The following CSMD1 variants were observed in gnomAD, a reference collection of about 807,000 sequenced individuals.
The protein encoded by CSMD1 is CUB and Sushi multiple domains 1, also known as CUB and sushi domain-containing protein 1.
In CSMD1, 213 loss-of-function variants were observed where a neutral mutation model predicts 417.5. The ratio of observed to expected loss-of-function variants is 0.51; its 90% CI spans 0.46 to 0.57. The LOEUF (loss-of-function observed/expected upper bound fraction) is 0.57. Ranked by LOEUF, CSMD1 falls within the 20% of genes least tolerant of loss-of-function variation. The probability of loss-of-function intolerance (pLI) is 0.00; values close to 1 mark genes in which losing one functional copy is unlikely to be tolerated. For missense variants in CSMD1, 6,923 were observed against 4,529.7 expected (o/e 1.53, Z -15.17); for synonymous variants, 2,862 against 1,736.8 (o/e 1.65, Z -16.11).
At chr8:4,013,561 G>C (rs896626241) in intron 4 of CSMD1, among the ~76,000 whole-genome samples, 6 of 152,126 alleles carry the variant, frequency 3.9e-5, no homozygotes, top group African/African-American at 1.4e-4. Flanking sequence ...TTCTCAGTGA[G>C]AACACTTACA....
intron 1 of CSMD1, among the ~76,000 whole-genome samples, chr8:4,700,125 T>A (rs1315604007): frequency 6.6e-6 from 1 of 151,408 alleles, no homozygotes. Flanking sequence ...GGTGAACTTT[T>A]TGTTTAATTT....
chr8:4,572,896 G>T (rs376385474), intron 2 of CSMD1, among the ~76,000 whole-genome samples: 2 of 151,600 alleles, frequency 1.3e-5, no homozygotes, highest in Non-Finnish European at 2.9e-5. Context: ...CCTTTCTTCC[G>T]CTTGATCAAT....
At chr8:4,717,384 C>T (rs553240287) in intron 1 of CSMD1, among the ~76,000 whole-genome samples, 2 of 136,704 alleles carry the variant, frequency 1.5e-5, no homozygotes, top group African/African-American at 6.6e-5. Context: ...TACACACACA[C>T]ATATACATAC....
chr8:3,900,944 G>C (rs149559463), intron 5 of CSMD1, among the ~76,000 whole-genome samples: 1 of 152,270 alleles, frequency 6.6e-6, no homozygotes, highest in Non-Finnish European at 1.5e-5. Flanking sequence ...AATACAAGAA[G>C]GTCTATAAAG....
intron 3 of CSMD1, among the ~76,000 whole-genome samples, chr8:4,387,724 A>C (rs1482697038): frequency 6.6e-6 from 1 of 152,110 alleles, no homozygotes; most frequent in Non-Finnish European, 1.5e-5. Context: ...TATTTTAGCT[A>C]AAATAGACAT....
chr8:3,281,538 C>G (rs1398713214), intron 26 of CSMD1, among the ~76,000 whole-genome samples: 1 of 152,126 alleles, frequency 6.6e-6, no homozygotes, highest in Non-Finnish European at 1.5e-5. Flanking sequence ...ATGAAAAGAC[C>G]TGGAGCTTGA....
At chr8:4,687,802 CACAG>C (rs1309551855) in intron 1 of CSMD1, among the ~76,000 whole-genome samples, 3 of 149,104 alleles carry the variant, frequency 2.0e-5, no homozygotes, top group Non-Finnish European at 4.4e-5. Context: ...GGAATGCATG[CACAG>C]ACAGATACAC....
chr8:4,744,127 C>T (rs1810801501), intron 1 of CSMD1, among the ~76,000 whole-genome samples: 1 of 152,188 alleles, frequency 6.6e-6, no homozygotes, highest in South Asian at 2.1e-4. Context: ...CGCAGAGGTG[C>T]TCAGGGACGC....
intron 7 of CSMD1, among the ~76,000 whole-genome samples, chr8:3,637,212 C>T (rs189839959): frequency 5.4e-4 from 82 of 152,290 alleles, no homozygotes; most frequent in Non-Finnish European, 2.5e-4. Flanking sequence ...GTGACATATT[C>T]TAACTTTTAC....
intron 2 of CSMD1, among the ~76,000 whole-genome samples, chr8:4,484,146 G>C (rs563948934): frequency 7.9e-5 from 12 of 151,354 alleles, no homozygotes; most frequent in Admixed American, 4.6e-4. Context: ...AGAAGGATTT[G>C]TGGAGGCCGC....
chr8:2,993,440 C>G (rs1347488956), intron 54 of CSMD1, among the ~76,000 whole-genome samples: 1 of 152,172 alleles, frequency 6.6e-6, no homozygotes, highest in South Asian at 2.1e-4. Context: ...GATCCTATTA[C>G]AAAAGAGGAG....
chr8:3,477,437 G>A (rs1283489064), intron 11 of CSMD1, among the ~76,000 whole-genome samples: 1 of 152,180 alleles, frequency 6.6e-6, no homozygotes, highest in Non-Finnish European at 1.5e-5. Flanking sequence ...TTACTTAATT[G>A]TATGATTTAA....
intron 8 of CSMD1, among the ~76,000 whole-genome samples, chr8:3,609,158 G>C (rs1801766959): frequency 6.6e-6 from 1 of 152,180 alleles, no homozygotes; most frequent in African/African-American, 2.4e-5. Flanking sequence ...TTAGCGTTCT[G>C]AATTTCAACG....
At chr8:3,291,010 A>G (rs1402406820) in intron 25 of CSMD1, among the ~76,000 whole-genome samples, 3 of 152,042 alleles carry the variant, frequency 2.0e-5, no homozygotes, top group Non-Finnish European at 4.4e-5. Context: ...TCAACACCTA[A>G]TTTTTTGAGA....
chr8:3,910,953 C>T (rs750648259), intron 5 of CSMD1, among the ~76,000 whole-genome samples: 57 of 152,306 alleles, frequency 3.7e-4, no homozygotes, highest in African/African-American at 1.2e-3. Context: ...CGACCAGGAA[C>T]GCTTTCTTGG....
chr8:4,336,301 C>T (rs1481726196), intron 3 of CSMD1, among the ~76,000 whole-genome samples: 3 of 152,102 alleles, frequency 2.0e-5, no homozygotes, highest in Non-Finnish European at 2.9e-5. Flanking sequence ...ACTTTTAATG[C>T]CACGTAGCCT....
At chr8:4,906,214 A>T (rs1380705134) in intron 1 of CSMD1, among the ~76,000 whole-genome samples, 2 of 152,210 alleles carry the variant, frequency 1.3e-5, no homozygotes, top group Non-Finnish European at 2.9e-5. Context: ...TAGCAGAAGA[A>T]ACTATTTGCT....
intron 1 of CSMD1, among the ~76,000 whole-genome samples, chr8:4,834,153 G>C (rs763430462): frequency 1.3e-5 from 2 of 152,188 alleles, no homozygotes; most frequent in African/African-American, 2.4e-5. Flanking sequence ...AATTCATACA[G>C]ATAAAACAAG....
At chr8:4,017,963 A>G (rs543616841) in intron 4 of CSMD1, among the ~76,000 whole-genome samples, 1 of 152,270 alleles carries the variant, frequency 6.6e-6, no homozygotes, top group Admixed American at 6.5e-5. Flanking sequence ...CTATAGCGGC[A>G]TGCATTTATA....
Sources: gnomAD v4.1 joint callset for allele counts (sites outside exome capture counted in the v4.1 genomes callset) on GRCh38, gnomAD v4.1.1 for gene constraint, MANE v1.5 for transcripts, NCBI Gene and HGNC (gene_info 2026-07-23, HGNC 2026-07-21) for gene names.